GNB1: variants seen among roughly 807,000 people sequenced by gnomAD.
GNB1 encodes G protein subunit beta 1, also known as guanine nucleotide-binding protein G(I)/G(S)/G(T) subunit beta-1.
GNB1 carries 2 observed loss-of-function variants against 42.9 expected under a neutral mutation model. The ratio of observed to expected loss-of-function variants is 0.05; its 90% CI spans 0.02 to 0.15. GNB1 has a LOEUF of 0.15. Among genes scored for constraint, GNB1 ranks in the 10% least tolerant of loss-of-function variants. The pLI, the probability that GNB1 is intolerant of heterozygous loss-of-function variation, is 1.00. For synonymous variants in GNB1, 183 were observed against 174.7 expected, an observed-to-expected ratio of 1.05 and a Z score of -0.38; for missense variants, 193 against 462.2, an observed-to-expected ratio of 0.42 and a Z score of 5.34.
At chr1:1,799,556 T>C (rs1400606208) in intron 7 of GNB1, among the ~76,000 whole-genome samples, 3 of 152,206 alleles carry the variant, frequency 2.0e-5, no homozygotes, top group Non-Finnish European at 4.4e-5. Flanking sequence ...CAGTGTGAGC[T>C]GCCTGGCTGG....
intron 1 of GNB1, among the ~76,000 whole-genome samples, chr1:1,850,132 A>AT (rs752020814): frequency 1.2e-3 from 170 of 143,210 alleles, no homozygotes; most frequent in East Asian, 1.8e-3. Flanking sequence ...CACCCAGCTA[A>AT]TTTTTTTTTT....
At chr1:1,881,776 T>C (rs1649860444) in intron 1 of GNB1, among the ~76,000 whole-genome samples, 1 of 152,176 alleles carries the variant, frequency 6.6e-6, no homozygotes, top group Admixed American at 6.6e-5. Flanking sequence ...CCTTTGGAAC[T>C]TCCGTCCCTG....
Position 1,785,903 on chromosome 1 carries a change from G to C in GNB1, c.*1160C>G, listed in dbSNP as rs961112540. 11 of 398,618 alleles carry C rather than the reference G, an allele frequency of 2.8e-5. No individual in the cohort carries two copies. Among genetic ancestry groups the C allele is most frequent in the Non-Finnish European group, 4.4e-5 (10 of 226,034 alleles). The allele number at this position is 398,618 out of a possible 1,614,324, so 24.7% of individuals were successfully genotyped here. ...TGCTTCCGATATGTGCCACAGAGCA[G>C]CAACGAGAAGTGGACAGAGCCGCAA... On this transcript the variant is annotated 3_prime_UTR_variant, in exon 12 of 12. Transcript: ENST00000378609.
At chr1:1,890,725 GA>G (rs1650455397) in intron 1 of GNB1, 94 bp downstream of exon 1, 1 of 148,136 alleles carries the variant, frequency 6.8e-6, no homozygotes. Flanking sequence ...ACGCGGCCCC[GA>G]CCGGCGGGTG....
chr1:1,822,304 T>C (rs1462010786), intron 3 of GNB1, among the ~76,000 whole-genome samples: 2 of 147,400 alleles, frequency 1.4e-5, no homozygotes, highest in Non-Finnish European at 3.0e-5. Flanking sequence ...TTTTTACTTT[T>C]TTTTTTTTTT....
intron 1 of GNB1, among the ~76,000 whole-genome samples, chr1:1,879,503 G>A (rs1188770654): frequency 6.6e-6 from 1 of 152,046 alleles, no homozygotes; most frequent in African/African-American, 2.4e-5. Context: ...TCAGGCGATC[G>A]AGAGCATCCT....
chr1:1,841,065 T>C (rs148719235), intron 1 of GNB1, among the ~76,000 whole-genome samples: 59 of 152,208 alleles, frequency 3.9e-4, no homozygotes, highest in African/African-American at 1.4e-3. Context: ...CCAATTTTTA[T>C]ATTTTTAGTA....
intron 1 of GNB1, among the ~76,000 whole-genome samples, chr1:1,886,440 T>TC (rs1650162590): frequency 6.6e-6 from 1 of 152,234 alleles, no homozygotes. Context: ...TGGTGCTCTG[T>TC]CCCTCTCCCA....
At chr1:1,859,907 G>C (rs185994136) in intron 1 of GNB1, among the ~76,000 whole-genome samples, 1 of 151,462 alleles carries the variant, frequency 6.6e-6, no homozygotes, top group East Asian at 1.9e-4. Context: ...GTTGTGGGGT[G>C]GGGGGAGAGG....
intron 1 of GNB1, among the ~76,000 whole-genome samples, chr1:1,884,353 A>C (rs371914720): frequency 2.0e-5 from 3 of 152,070 alleles, no homozygotes; most frequent in African/African-American, 7.2e-5. Flanking sequence ...CTGGAATTAC[A>C]GGCGTGAGCC....
chr1:1,798,974 C>T (rs58795053), intron 7 of GNB1, among the ~76,000 whole-genome samples: 22,287 of 149,034 alleles, frequency 0.15, 1,853 homozygotes, highest in Middle Eastern at 0.32. Context: ...GGTTGGAGTG[C>T]GGTGGCGCGA....
At position 1,785,563 on chromosome 1, in the gene GNB1, T is replaced by G. The variant is rs1646393382; in HGVS notation, c.*1500A>C. The G allele has an allele frequency of 6.2e-6, 1 of 161,290 alleles. No individual in the cohort carries two copies. Among genetic ancestry groups the G allele is most frequent in the African/African-American group, 2.5e-5 (1 of 40,778 alleles). The allele number at this position is 161,290 out of a possible 1,614,324, so 10.0% of individuals were successfully genotyped here. A position where few individuals can be genotyped will look rare whatever the true frequency, so the allele number is the denominator to read the frequency against. On this transcript the variant is annotated 3_prime_UTR_variant, in exon 12 of 12. Transcript: ENST00000378609. ...AACAGGATGGAGAAGCCACTACTGC[T>G]GCTATGAAGGAGTGCGGGGGGCGGG...
chr1:1,864,472 T>C (rs1476471893), intron 1 of GNB1, among the ~76,000 whole-genome samples: 1 of 151,952 alleles, frequency 6.6e-6, no homozygotes, highest in African/African-American at 2.4e-5. Context: ...GATACTGGTT[T>C]CTCCCACTAT....
intron 1 of GNB1, among the ~76,000 whole-genome samples, chr1:1,842,610 T>TGCATGTGTCTGCGTGTGCATGC (rs1553200375): frequency 6.6e-6 from 1 of 152,154 alleles, no homozygotes; most frequent in Non-Finnish European, 1.5e-5. Flanking sequence ...TGCCAGGGGC[T>TGCATGTGTCTGCGTGTGCATGC]GCATGTGTCT....
chr1:1,864,809 T>C (rs1648833671), intron 1 of GNB1, among the ~76,000 whole-genome samples: 1 of 152,222 alleles, frequency 6.6e-6, no homozygotes, highest in Admixed American at 6.6e-5. Context: ...CTTAGAGTGC[T>C]CACTTACAGC....
At chr1:1,832,257 C>A (rs78974083) in intron 2 of GNB1, 1 of 152,098 alleles carries the variant, frequency 6.6e-6, no homozygotes. Flanking sequence ...CTTTTCTCTT[C>A]GCTTCCCTCA....
At position 1,856,091 on chromosome 1, in the gene GNB1, T is replaced by C. The variant is rs1269362390; in HGVS notation, c.-95-16853A>G. ...AGGCTAGAGTGCAGTGGCACCATCATAGCTCACTGCAGCCTCAAATTCCTG... is the reference window on the plus strand; with the variant it reads ...AGGCTAGAGTGCAGTGGCACCATCACAGCTCACTGCAGCCTCAAATTCCTG... On this transcript the variant is annotated intron_variant, in intron 1 of 11. Coordinates refer to ENST00000378609, the MANE Select transcript of GNB1 (RefSeq NM_002074.5). 3.9e-5 allele frequency among the ~76,000 whole-genome samples: 6 copies of C among 152,202 alleles called. No individual in the cohort carries two copies. The East Asian group carries it at 7.8e-4, about 20-fold the overall frequency.
intron 3 of GNB1, among the ~76,000 whole-genome samples, chr1:1,824,069 C>T (rs528695269): frequency 1.1e-4 from 17 of 152,108 alleles, no homozygotes; most frequent in East Asian, 1.9e-4. Context: ...TCCTGTACAG[C>T]GACACTCTGA....
At chr1:1,845,435 GGA>G (rs1381384943) in intron 1 of GNB1, among the ~76,000 whole-genome samples, 7 of 152,008 alleles carry the variant, frequency 4.6e-5, no homozygotes, top group African/African-American at 1.4e-4. Flanking sequence ...TAGCCAGGTG[GGA>G]TGGCGGGCGC....
Sources: allele counts gnomAD v4.1 joint callset (sites outside exome capture counted in the v4.1 genomes callset), GRCh38; gene constraint gnomAD v4.1.1; transcripts MANE v1.5; gene names NCBI Gene and HGNC (gene_info 2026-07-23, HGNC 2026-07-21).